CSMD1: variants seen among roughly 807,000 people sequenced by gnomAD.
The protein encoded by CSMD1 is CUB and sushi domain-containing protein 1.
Under a neutral mutation model 417.5 loss-of-function variants are expected in CSMD1, and 213 were observed. The ratio of observed to expected loss-of-function variants is 0.51; its 90% CI spans 0.46 to 0.57. The LOEUF (loss-of-function observed/expected upper bound fraction) is 0.57, where lower values mean the gene tolerates loss of function less well. Ranked by LOEUF, CSMD1 falls within the 20% of genes least tolerant of loss-of-function variation. CSMD1 has a pLI of 0.00. For missense variants in CSMD1, 6,923 were observed against 4,529.7 expected, an observed-to-expected ratio of 1.53 and a Z score of -15.17; for synonymous variants, 2,862 against 1,736.8, an observed-to-expected ratio of 1.65 and a Z score of -16.11.
chr8:4,078,463 A>G (rs1047182562), intron 3 of CSMD1, among the ~76,000 whole-genome samples: 1 of 151,554 alleles, frequency 6.6e-6, no homozygotes, highest in Non-Finnish European at 1.5e-5. Flanking sequence ...TACAGGTGCC[A>G]CCATGTTAGC....
At chr8:4,490,162 T>C (rs867770454) in intron 2 of CSMD1, among the ~76,000 whole-genome samples, 1 of 151,516 alleles carries the variant, frequency 6.6e-6, no homozygotes, top group Non-Finnish European at 1.5e-5. Context: ...TGCTTCAGCC[T>C]CTCAGGTAGC....
At chr8:4,905,037 G>C (rs1460429880) in intron 1 of CSMD1, among the ~76,000 whole-genome samples, 1 of 152,148 alleles carries the variant, frequency 6.6e-6, no homozygotes, top group East Asian at 1.9e-4. Flanking sequence ...ATTAAAAATA[G>C]CTGGGACCTT....
intron 5 of CSMD1, among the ~76,000 whole-genome samples, chr8:3,948,190 C>A (rs1811364751): frequency 6.6e-6 from 1 of 151,894 alleles, no homozygotes; most frequent in Non-Finnish European, 1.5e-5. Context: ...GGCAACAGAC[C>A]AAGACTCCGT....
chr8:4,679,257 C>G (rs990658477), intron 1 of CSMD1, among the ~76,000 whole-genome samples: 1 of 152,158 alleles, frequency 6.6e-6, no homozygotes, highest in African/African-American at 2.4e-5. Context: ...CAGCTGCTGA[C>G]GTGAACACCC....
Position 4,050,961 on chromosome 8 carries a change from A to G in CSMD1, c.416-18862T>C, listed in dbSNP as rs185588730. Among the ~76,000 whole-genome samples the G allele has an allele frequency of 1.1e-3, 166 of 152,192 alleles. 2 individuals are homozygous for G. The highest frequency in any genetic ancestry group is 0.011 in the Admixed American group (165 of 15,288). On this transcript the variant is annotated intron_variant, in intron 3 of 69. Coordinates refer to ENST00000635120, the MANE Select transcript of CSMD1 (RefSeq NM_033225.6). ...CCATGATAAGGTCTCACTTGGTTGG[A>G]GAAAGGCTGCAGATGGAGGAGGAGT...
chr8:4,736,574 C>T (rs1358161964), intron 1 of CSMD1, among the ~76,000 whole-genome samples: 1 of 152,122 alleles, frequency 6.6e-6, no homozygotes, highest in Non-Finnish European at 1.5e-5. Flanking sequence ...AACACTCAAT[C>T]TAGGAAAATG....
intron 12 of CSMD1, among the ~76,000 whole-genome samples, chr8:3,435,386 C>G (rs1261710820): frequency 1.3e-5 from 2 of 152,146 alleles, no homozygotes; most frequent in Non-Finnish European, 2.9e-5. Flanking sequence ...GTCCCGCCAC[C>G]TCTCTGGAGA....
chr8:3,751,795 C>A (rs1284172138), intron 6 of CSMD1, among the ~76,000 whole-genome samples: 1 of 152,100 alleles, frequency 6.6e-6, no homozygotes, highest in African/African-American at 2.4e-5. Flanking sequence ...GCCAAGTTCA[C>A]TGATCAGGTT....
At chr8:3,875,672 G>A (rs549780897) in intron 5 of CSMD1, among the ~76,000 whole-genome samples, 1 of 152,192 alleles carries the variant, frequency 6.6e-6, no homozygotes, top group African/African-American at 2.4e-5. Flanking sequence ...AATTCCAGGA[G>A]AGCAGCTCTG....
At chr8:4,549,008 G>C (rs1273986805) in intron 2 of CSMD1, among the ~76,000 whole-genome samples, 3 of 151,994 alleles carry the variant, frequency 2.0e-5, no homozygotes, top group African/African-American at 7.3e-5. Flanking sequence ...AAGTTTATCA[G>C]ATTATGAGTA....
rs1554475400 is a variant in CSMD1, at chr8:3,576,367, A to ATGTC, written c.1223-1302_1223-1301insGACA. Reference sequence around the variant, plus strand: ...AATCTACTGTGACTGTTCATCTGAGATCTCTCCTAAATGGTTATGCATTCC... The same window carrying ATGTC: ...AATCTACTGTGACTGTTCATCTGAGATGTCTCTCTCCTAAATGGTTATGCATTCC... On this transcript the variant is annotated intron_variant, in intron 9 of 69. Coordinates refer to ENST00000635120, the MANE Select transcript of CSMD1 (RefSeq NM_033225.6). 3.3e-5 allele frequency among the ~76,000 whole-genome samples: 5 copies of ATGTC among 151,618 alleles called. No homozygotes were observed. In the East Asian group the frequency reaches 9.7e-4, roughly 29 times the overall value.
intron 5 of CSMD1, among the ~76,000 whole-genome samples, chr8:3,933,900 C>T (rs540571777): frequency 6.6e-6 from 1 of 152,028 alleles, no homozygotes; most frequent in Non-Finnish European, 1.5e-5. Context: ...TTCTCTAGGC[C>T]ACCTAGTAAA....
chr8:3,979,532 C>T (rs1455689145), intron 5 of CSMD1, among the ~76,000 whole-genome samples: 1 of 152,156 alleles, frequency 6.6e-6, no homozygotes, highest in Non-Finnish European at 1.5e-5. Flanking sequence ...CTCTCCAAGT[C>T]ATGATATTAA....
intron 2 of CSMD1, among the ~76,000 whole-genome samples, chr8:4,442,252 C>A (rs1466058484): frequency 6.6e-6 from 1 of 152,080 alleles, no homozygotes. Context: ...GTTTATTAAT[C>A]TTTAAAATTT....
chr8:4,458,794 ATTTTT>A (rs34057291), intron 2 of CSMD1, among the ~76,000 whole-genome samples: 1 of 152,068 alleles, frequency 6.6e-6, no homozygotes, highest in Non-Finnish European at 1.5e-5. Context: ...GGAATATTTA[ATTTTT>A]TTTAACAACT....
At chr8:3,788,013 G>C (rs942396776) in intron 5 of CSMD1, among the ~76,000 whole-genome samples, 2 of 152,190 alleles carry the variant, frequency 1.3e-5, no homozygotes, top group East Asian at 1.9e-4. Context: ...GAGTAAAAAA[G>C]AGGTGTCTTT....
intron 26 of CSMD1, among the ~76,000 whole-genome samples, chr8:3,244,188 G>A (rs2116991363): frequency 6.6e-6 from 1 of 152,286 alleles, no homozygotes; most frequent in African/African-American, 2.4e-5. Context: ...AGTAGAATTG[G>A]CTCCTGGCTA....
chr8:3,107,735 T>C lies in CSMD1; in HGVS notation c.6818A>G (p.Asp2273Gly). The C allele has an allele frequency of 1.3e-6, 2 of 1,590,280 alleles. No individual in the cohort carries two copies. The highest frequency in any genetic ancestry group is 1.7e-6 in the Non-Finnish European group (2 of 1,169,128). The part of the protein sequence containing the change: ...AVPQAEMLTE[D>G]DDFEIGDFVK... ...AGTATTACCTATTTCGAAATCATCA[T>C]CCTCAGTAAGCATTTCTGCCTGTGG... is the stretch of plus-strand genomic sequence containing the variant. Residue 2273 changes from aspartate to glycine, a missense_variant, in exon 45 of 70, where the codon GAT becomes GGT. Asp to Gly is a moderately conservative substitution (Grantham distance 94). Coordinates refer to ENST00000635120, the MANE Select transcript of CSMD1 (RefSeq NM_033225.6).
chr8:3,894,783 T>C (rs980355507), intron 5 of CSMD1, among the ~76,000 whole-genome samples: 3 of 152,182 alleles, frequency 2.0e-5, no homozygotes, highest in East Asian at 3.9e-4. Context: ...TAGAAGTGCA[T>C]AGGGCTGTTA....
Sources: gnomAD v4.1 joint callset for allele counts (sites outside exome capture counted in the v4.1 genomes callset) on GRCh38, gnomAD v4.1.1 for gene constraint, MANE v1.5 for transcripts, NCBI Gene and HGNC (gene_info 2026-07-23, HGNC 2026-07-21) for gene names.